KCNMA1: variants seen among roughly 807,000 people sequenced by gnomAD.
KCNMA1 encodes potassium calcium-activated channel subfamily M alpha 1.
Under a neutral mutation model 140.0 loss-of-function variants are expected in KCNMA1, and 29 were observed. The ratio of observed to expected loss-of-function variants is 0.21; its 90% confidence interval spans 0.15 to 0.28. The LOEUF (loss-of-function observed/expected upper bound fraction) is 0.28. Ranked by LOEUF, KCNMA1 falls within the 10% of genes least tolerant of loss-of-function variation. The pLI is 1.00. For missense variants in KCNMA1, 880 were observed against 1,602.2 expected (o/e 0.55, Z 7.70); for synonymous variants, 612 against 611.9 (o/e 1.00, Z 0.00).
intron 1 of KCNMA1, among the ~76,000 whole-genome samples, chr10:77,531,581 G>A (rs1426194198): frequency 1.3e-5 from 2 of 152,250 alleles, no homozygotes; most frequent in Admixed American, 1.3e-4. Flanking sequence ...GACTCCGGCT[G>A]TGCATGTGCG....
At chr10:76,985,519 A>C (rs2081025407) in intron 19 of KCNMA1, among the ~76,000 whole-genome samples, 1 of 152,236 alleles carries the variant, frequency 6.6e-6, no homozygotes, top group African/African-American at 2.4e-5. Flanking sequence ...CCTATAACAA[A>C]ACCTAGTTAC....
intron 1 of KCNMA1, among the ~76,000 whole-genome samples, chr10:77,479,957 T>C (rs1195738102): frequency 6.6e-6 from 1 of 152,218 alleles, no homozygotes; most frequent in Non-Finnish European, 1.5e-5. Flanking sequence ...CCAAGCCTGG[T>C]GATGTCTTCA....
intron 1 of KCNMA1, among the ~76,000 whole-genome samples, chr10:77,520,040 T>G (rs1567295380): frequency 2.0e-4 from 3 of 15,154 alleles, no homozygotes; most frequent in Non-Finnish European, 1.0e-4. Context: ...TGTGAGGGTG[T>G]GCAGTGTGAG....
At chr10:77,551,068 G>A (rs926983075) in intron 1 of KCNMA1, among the ~76,000 whole-genome samples, 1 of 152,156 alleles carries the variant, frequency 6.6e-6, no homozygotes, top group Non-Finnish European at 1.5e-5. Flanking sequence ...CTAGGCTCAA[G>A]TGATCCTCCC....
intron 1 of KCNMA1, among the ~76,000 whole-genome samples, chr10:77,564,320 ACGAG>A (rs1396612532): frequency 2.6e-5 from 4 of 152,242 alleles, no homozygotes; most frequent in Admixed American, 2.6e-4. Flanking sequence ...TGCCTGTAAC[ACGAG>A]CACTTTGGGA....
chr10:77,058,869 A>T (rs1012983975), intron 14 of KCNMA1, among the ~76,000 whole-genome samples: 2 of 151,972 alleles, frequency 1.3e-5, no homozygotes, highest in African/African-American at 4.8e-5. Context: ...GAGCAAAGTA[A>T]ATCTAAAGCA....
chr10:77,509,468 T>A (rs541979765), intron 1 of KCNMA1, among the ~76,000 whole-genome samples: 2 of 152,274 alleles, frequency 1.3e-5, no homozygotes, highest in African/African-American at 4.8e-5. Flanking sequence ...GGTTTGCAAA[T>A]ATCGTTTTGA....
chr10:77,197,316 A>C (rs1002672096), intron 3 of KCNMA1, among the ~76,000 whole-genome samples: 10 of 152,228 alleles, frequency 6.6e-5, no homozygotes, highest in Non-Finnish European at 1.5e-4. Flanking sequence ...GAAAGACATG[A>C]AAGGGTATCA....
intron 5 of KCNMA1, among the ~76,000 whole-genome samples, chr10:77,148,570 T>C (rs897507773): frequency 1.3e-4 from 20 of 152,180 alleles, no homozygotes; most frequent in Non-Finnish European, 2.9e-5. Flanking sequence ...ACCTCAGCTG[T>C]GTTTTATTCT....
intron 5 of KCNMA1, among the ~76,000 whole-genome samples, chr10:77,157,767 G>C (rs1361764158): frequency 4.6e-5 from 7 of 152,182 alleles, no homozygotes; most frequent in Admixed American, 4.6e-4. Context: ...CAAAGTCTAG[G>C]AGGCCTGAGC....
intron 1 of KCNMA1, among the ~76,000 whole-genome samples, chr10:77,611,288 C>G (rs1383285191): frequency 6.6e-6 from 1 of 152,224 alleles, no homozygotes; most frequent in African/African-American, 2.4e-5. Context: ...TGATTTATTT[C>G]CTGACAAGGT....
At chr10:77,194,546 G>A (rs2039776468) in intron 3 of KCNMA1, among the ~76,000 whole-genome samples, 2 of 152,162 alleles carry the variant, frequency 1.3e-5, no homozygotes, top group African/African-American at 4.8e-5. Context: ...TTGGAGTACA[G>A]AAGCTAAAAC....
chr10:77,374,883 A>G (rs903447287), intron 2 of KCNMA1, among the ~76,000 whole-genome samples: 2 of 152,180 alleles, frequency 1.3e-5, no homozygotes, highest in African/African-American at 2.4e-5. Flanking sequence ...TTGGAGAAGT[A>G]TCTATATTTG....
intron 2 of KCNMA1, among the ~76,000 whole-genome samples, chr10:77,339,958 T>C (rs1501637): frequency 0.84 from 127,230 of 152,142 alleles, 53,361 homozygotes; most frequent in Middle Eastern, 0.9. Flanking sequence ...ACAGACACTA[T>C]CTTGACATGA....
intron 18 of KCNMA1, among the ~76,000 whole-genome samples, chr10:77,010,362 G>T (rs1269840250): frequency 6.6e-6 from 1 of 151,848 alleles, no homozygotes; most frequent in East Asian, 2.0e-4. Context: ...AAGGTCTTTG[G>T]ATTCATGGGG....
intron 14 of KCNMA1, 105 bp downstream of exon 14, chr10:77,072,992 T>C: frequency 9.4e-7 from 1 of 1,062,684 alleles, no homozygotes; most frequent in Non-Finnish European, 1.5e-6. Context: ...TTAACCCAAG[T>C]GGTTAGAGCC....
chr10:77,533,804 C>T (rs1031261915), intron 1 of KCNMA1, among the ~76,000 whole-genome samples: 12 of 152,216 alleles, frequency 7.9e-5, no homozygotes, highest in Non-Finnish European at 1.5e-5. Context: ...GAAGGATGAA[C>T]TGTGGGGAGG....
intron 1 of KCNMA1, among the ~76,000 whole-genome samples, chr10:77,497,931 T>C (rs999194547): frequency 1.3e-5 from 2 of 152,146 alleles, no homozygotes; most frequent in African/African-American, 2.4e-5. Flanking sequence ...CATTTGTCCA[T>C]TTACAAATAC....
At chr10:77,574,138 A>G (rs1350016079) in intron 1 of KCNMA1, among the ~76,000 whole-genome samples, 2 of 152,216 alleles carry the variant, frequency 1.3e-5, no homozygotes, top group East Asian at 3.9e-4. Flanking sequence ...ACCCAGACCT[A>G]TCCTTTGTAA....
Sources: allele counts gnomAD v4.1 joint callset (sites outside exome capture counted in the v4.1 genomes callset), GRCh38; gene constraint gnomAD v4.1.1; transcripts MANE v1.5; gene names NCBI Gene and HGNC (gene_info 2026-07-23, HGNC 2026-07-21).